Variants in PCDH15 observed in about 807,000 individuals in gnomAD.
PCDH15 encodes the protein protocadherin related 15, also known as protocadherin-15.
A neutral mutation model predicts 178.5 loss-of-function variants in PCDH15; 129 were observed. The ratio of observed to expected loss-of-function variants is 0.72; its 90% CI spans 0.63 to 0.84. PCDH15 has a LOEUF of 0.84. Ranked by LOEUF, PCDH15 falls within the 40% of genes least tolerant of loss-of-function variation. The pLI is 0.00. For missense variants in PCDH15, 2,230 were observed against 2,099.9 expected (o/e 1.06, Z -1.21); for synonymous variants, 800 against 732.0 (o/e 1.09, Z -1.50).
intron 2 of PCDH15, among the ~76,000 whole-genome samples, chr10:54,578,348 C>T (rs1276357079): frequency 6.6e-6 from 1 of 151,928 alleles, no homozygotes; most frequent in Non-Finnish European, 1.5e-5. Context: ...AGAAAATGCT[C>T]ATTATAACAT....
intron 2 of PCDH15, among the ~76,000 whole-genome samples, chr10:54,611,055 G>T (rs115529409): frequency 6.6e-6 from 1 of 151,678 alleles, no homozygotes; most frequent in African/African-American, 2.4e-5. Flanking sequence ...TACCACAAAT[G>T]AAAGACATGA....
chr10:53,898,455 A>G (rs1413849798), intron 26 of PCDH15, among the ~76,000 whole-genome samples: 1 of 152,114 alleles, frequency 6.6e-6, no homozygotes, highest in African/African-American at 2.4e-5. Flanking sequence ...TTCTTTTCGC[A>G]CTCCTCATAA....
At chr10:54,016,785 G>A (rs2092754694) in intron 20 of PCDH15, among the ~76,000 whole-genome samples, 2 of 152,092 alleles carry the variant, frequency 1.3e-5, no homozygotes, top group South Asian at 4.1e-4. Flanking sequence ...AAGGTACTAT[G>A]TTCATTACCT....
intron 2 of PCDH15, among the ~76,000 whole-genome samples, chr10:55,614,038 G>T (rs929601692): frequency 6.6e-6 from 1 of 151,548 alleles, no homozygotes; most frequent in Non-Finnish European, 1.5e-5. Flanking sequence ...GGCTTGAACC[G>T]GGGAGACGGA....
In PCDH15 at chr10:55,176,679, CG is replaced by C. The variant is rs561368777; in HGVS notation, c.-155-10029del. The stretch of plus-strand genomic sequence containing the variant: ...TCCAGGATCACTACCTCATTAATGA[CG>C]TTGTGGTTCTAATTCATCTTGTGGT... On this transcript the variant is annotated intron_variant, in intron 1 of 5. Transcript: ENST00000458638. Among the ~76,000 whole-genome samples the C allele has an allele frequency of 3.8e-3, 580 of 152,108 alleles. 2 individuals carry two copies. Among genetic ancestry groups the C allele is most frequent in the Admixed American group, 6.9e-3 (105 of 15,272 alleles).
chr10:55,220,201 G>A (rs1335724295), intron 1 of PCDH15, among the ~76,000 whole-genome samples: 2 of 151,908 alleles, frequency 1.3e-5, no homozygotes, highest in Non-Finnish European at 2.9e-5. Flanking sequence ...ACATTGCAGT[G>A]TAGTACATCA....
At chr10:54,512,653 G>T (rs2081819732) in intron 3 of PCDH15, among the ~76,000 whole-genome samples, 1 of 150,558 alleles carries the variant, frequency 6.6e-6, no homozygotes, top group Non-Finnish European at 1.5e-5. Context: ...ATCATTTGCA[G>T]TTTCTTAGAG....
intron 1 of PCDH15, among the ~76,000 whole-genome samples, chr10:54,777,003 T>TA (rs1949783652): frequency 6.6e-6 from 1 of 152,234 alleles, no homozygotes. Flanking sequence ...CTGTTTATAG[T>TA]ATAATGTGAA....
chr10:53,996,762 TATA>T (rs975425033), intron 20 of PCDH15, among the ~76,000 whole-genome samples: 1 of 152,182 alleles, frequency 6.6e-6, no homozygotes, highest in Non-Finnish European at 1.5e-5. Flanking sequence ...TTTATTTATT[TATA>T]ATATTTTAAT....
At chr10:54,028,965 C>A (rs966087314) in intron 18 of PCDH15, among the ~76,000 whole-genome samples, 1 of 151,876 alleles carries the variant, frequency 6.6e-6, no homozygotes, top group African/African-American at 2.4e-5. Context: ...CTACAATATC[C>A]CCCAGAAAGC....
intron 1 of PCDH15, among the ~76,000 whole-genome samples, chr10:54,796,296 A>ATCTG (rs1381801933): frequency 2.0e-5 from 3 of 148,488 alleles, no homozygotes; most frequent in East Asian, 3.9e-4. Flanking sequence ...CTATCTATCT[A>ATCTG]TCTATCTATC....
Position 54,249,103 on chromosome 10 carries a change from A to C in PCDH15, c.877-12172T>G, listed in dbSNP as rs995429467. The stretch of plus-strand genomic sequence containing the variant: ...TACCACCCAATGATTATCATTTTTA[A>C]TATTTAAGGTATTTTGTATCAGTAT... On this transcript the variant is annotated intron_variant, in intron 8 of 37. Coordinates refer to ENST00000644397, the MANE Select transcript of PCDH15 (RefSeq NM_001384140.1). 3.3e-5 allele frequency among the ~76,000 whole-genome samples: 5 copies of C among 152,056 alleles called. No homozygotes were observed. In the East Asian group the frequency reaches 9.6e-4, roughly 29 times the overall value.
At position 55,580,056 on chromosome 10, in the gene PCDH15, C is replaced by T. The variant is rs115098607; in HGVS notation, c.-156+47569G>A. On this transcript the variant is annotated intron_variant, in intron 2 of 5. Coordinates refer to the PCDH15 transcript ENST00000613346. ...ATTTTTAGTAGAGACAGGGTTTCAG[C>T]ATGTAGGCCAAGCTGGTCTCCAACA... Among the ~76,000 whole-genome samples, 1,140 of 152,178 alleles carry T rather than the reference C, an allele frequency of 7.5e-3. 16 individuals are homozygous for T. Among genetic ancestry groups the T allele is most frequent in the African/African-American group, 0.027 (1,103 of 41,542 alleles).
chr10:54,608,129 C>A (rs1284227100), intron 2 of PCDH15, among the ~76,000 whole-genome samples: 2 of 151,682 alleles, frequency 1.3e-5, no homozygotes, highest in African/African-American at 4.8e-5. Context: ...GAGGGGATTT[C>A]CGAGCAAAAA....
intron 3 of PCDH15, among the ~76,000 whole-genome samples, chr10:54,881,372 C>G (rs551067085): frequency 3.3e-5 from 5 of 151,888 alleles, no homozygotes; most frequent in Non-Finnish European, 7.4e-5. Flanking sequence ...TTTTCAGAAG[C>G]GATATTTAGT....
chr10:55,584,198 C>T (rs1316589498), intron 2 of PCDH15, among the ~76,000 whole-genome samples: 1 of 152,028 alleles, frequency 6.6e-6, no homozygotes, highest in Non-Finnish European at 1.5e-5. Flanking sequence ...AAAATAAATA[C>T]TTTTTTATTA....
At chr10:55,360,654 T>C (rs1281450801) in intron 2 of PCDH15, among the ~76,000 whole-genome samples, 1 of 151,952 alleles carries the variant, frequency 6.6e-6, no homozygotes, top group Non-Finnish European at 1.5e-5. Context: ...AAAACTACAA[T>C]AGGATATCTC....
At chr10:54,368,525 ACTT>A (rs1947143864) in intron 5 of PCDH15, among the ~76,000 whole-genome samples, 1 of 152,076 alleles carries the variant, frequency 6.6e-6, no homozygotes, top group Non-Finnish European at 1.5e-5. Flanking sequence ...TCACTTATGC[ACTT>A]TAGCCAAAAG....
At chr10:53,958,702 C>T (rs973092920) in intron 23 of PCDH15, among the ~76,000 whole-genome samples, 10 of 151,992 alleles carry the variant, frequency 6.6e-5, no homozygotes, top group Non-Finnish European at 1.2e-4. Context: ...CTGTTGTGGC[C>T]GGGCACAGTG....
Sources: allele counts gnomAD v4.1 joint callset (sites outside exome capture counted in the v4.1 genomes callset), GRCh38; gene constraint gnomAD v4.1.1; transcripts MANE v1.5; gene names NCBI Gene and HGNC (gene_info 2026-07-23, HGNC 2026-07-21).